Variants in EXT1 observed in about 807,000 individuals in gnomAD.
EXT1 encodes the protein exostosin glycosyltransferase 1.
A neutral mutation model predicts 82.5 loss-of-function variants in EXT1; 20 were observed. That is an observed-to-expected ratio of 0.24 (90% CI 0.17 to 0.35). The LOEUF (loss-of-function observed/expected upper bound fraction) is 0.35, where lower values mean the gene tolerates loss of function less well. EXT1 is among the 10% of genes least tolerant of loss of function. The pLI, the probability that EXT1 is intolerant of heterozygous loss-of-function variation, is 1.00. For synonymous variants in EXT1, 348 were observed against 350.8 expected (o/e 0.99, Z 0.09); for missense variants, 757 against 936.5 (o/e 0.81, Z 2.50).
At chr8:117,862,925 T>G (rs921499470) in intron 1 of EXT1, among the ~76,000 whole-genome samples, 2 of 139,058 alleles carry the variant, frequency 1.4e-5, no homozygotes, top group Non-Finnish European at 3.3e-5. Context: ...AGCCCCAGGT[T>G]GCAACATTCT....
intron 5 of EXT1, among the ~76,000 whole-genome samples, chr8:117,822,120 T>G (rs751860291): frequency 6.6e-6 from 1 of 152,080 alleles, no homozygotes; most frequent in Admixed American, 6.6e-5. Flanking sequence ...AAAAAAAAAT[T>G]GGGGAGAGCT....
At chr8:117,893,783 A>G (rs901671206) in intron 1 of EXT1, among the ~76,000 whole-genome samples, 1 of 152,220 alleles carries the variant, frequency 6.6e-6, no homozygotes, top group African/African-American at 2.4e-5. Flanking sequence ...AAATGAAATC[A>G]GGTTCCTCTA....
At chr8:118,048,715 TAAG>T (rs1319420884) in intron 1 of EXT1, among the ~76,000 whole-genome samples, 2 of 152,282 alleles carry the variant, frequency 1.3e-5, no homozygotes, top group East Asian at 3.9e-4. Flanking sequence ...ATATAGAAGT[TAAG>T]AAGCATTAAG....
intron 1 of EXT1, among the ~76,000 whole-genome samples, chr8:117,926,112 T>C (rs944096331): frequency 2.6e-5 from 4 of 152,208 alleles, no homozygotes; most frequent in Non-Finnish European, 5.9e-5. Context: ...TGGTGATGTG[T>C]ATGCCCTGAG....
At chr8:117,962,282 G>A (rs914075746) in intron 1 of EXT1, among the ~76,000 whole-genome samples, 5 of 152,096 alleles carry the variant, frequency 3.3e-5, no homozygotes, top group African/African-American at 9.7e-5. Context: ...AACTGCTTAC[G>A]TTGCTTCTGT....
intron 1 of EXT1, among the ~76,000 whole-genome samples, chr8:117,857,351 T>A (rs755229779): frequency 6.0e-5 from 9 of 150,894 alleles, no homozygotes; most frequent in Admixed American, 1.3e-4. Flanking sequence ...AGGCCAGGAG[T>A]TCAAGACCAA....
intron 1 of EXT1, among the ~76,000 whole-genome samples, chr8:118,065,054 T>C (rs1334373873): frequency 6.6e-6 from 1 of 151,940 alleles, no homozygotes; most frequent in Non-Finnish European, 1.5e-5. Context: ...GGTTTCACTA[T>C]GTTGGCCAGG....
At chr8:117,846,164 G>C (rs1812356993) in intron 1 of EXT1, among the ~76,000 whole-genome samples, 1 of 152,114 alleles carries the variant, frequency 6.6e-6, no homozygotes, top group African/African-American at 2.4e-5. Context: ...CTGGAGTGCA[G>C]TGGCATGATC....
chr8:118,072,079 A>T (rs1176223985), intron 1 of EXT1, among the ~76,000 whole-genome samples: 2 of 152,168 alleles, frequency 1.3e-5, no homozygotes, highest in Non-Finnish European at 2.9e-5. Flanking sequence ...GGAATTTATC[A>T]TTACTCACTT....
At chr8:117,905,450 C>T (rs1008570364) in intron 1 of EXT1, among the ~76,000 whole-genome samples, 4 of 152,254 alleles carry the variant, frequency 2.6e-5, no homozygotes, top group East Asian at 1.9e-4. Flanking sequence ...AAGGGGGAGG[C>T]GGAGGTTGCA....
chr8:118,018,521 GT>G (rs1046171765), intron 1 of EXT1, among the ~76,000 whole-genome samples: 5 of 152,150 alleles, frequency 3.3e-5, no homozygotes, highest in African/African-American at 1.2e-4. Context: ...CTCCAGAACT[GT>G]GAGGTTTGGG....
In EXT1 at chr8:117,836,722, A is replaced by G. The variant is rs543720264; in HGVS notation, c.1056+386T>C. Among the ~76,000 whole-genome samples the G allele has an allele frequency of 6.6e-5, 10 of 152,298 alleles. No individual in the cohort carries two copies. In the South Asian group the frequency reaches 2.1e-3, roughly 32 times the overall value. ...GCTGGGGATCATTCTCAAAATTGAA[A>G]GGAACTGAGAGACAATGAAGATGCA... On this transcript the variant is annotated intron_variant, in intron 2 of 10. Transcript: ENST00000378204.
intron 1 of EXT1, among the ~76,000 whole-genome samples, chr8:118,028,101 G>A (rs554294643): frequency 6.6e-6 from 1 of 152,242 alleles, no homozygotes; most frequent in East Asian, 1.9e-4. Context: ...CAGAGTTGTG[G>A]TCCCAGCCCC....
intron 1 of EXT1, among the ~76,000 whole-genome samples, chr8:118,080,337 TTCTTC>T (rs1462148458): frequency 1.3e-5 from 2 of 152,210 alleles, no homozygotes; most frequent in East Asian, 3.8e-4. Flanking sequence ...CCACTCAAAC[TTCTTC>T]TCTTATCTAT....
chr8:118,008,209 G>A (rs185108555), intron 1 of EXT1, among the ~76,000 whole-genome samples: 2 of 152,054 alleles, frequency 1.3e-5, no homozygotes, highest in Non-Finnish European at 2.9e-5. Context: ...TGAAGATGAT[G>A]GCCACACTGT....
At chr8:117,822,360 C>T in intron 5 of EXT1, 105 bp downstream of exon 5, 2 of 1,267,274 alleles carry the variant, frequency 1.6e-6, no homozygotes, top group Non-Finnish European at 2.3e-6. Context: ...ATCTTCAATG[C>T]AGGGTGTTAG....
At chr8:118,041,666 GAA>G in intron 1 of EXT1, among the ~76,000 whole-genome samples, 1 of 13,010 alleles carries the variant, frequency 7.7e-5, no homozygotes, top group African/African-American at 3.6e-4. Context: ...GAGAGAGAAA[GAA>G]GGAAGGAAGG....
At chr8:118,109,911 T>G (rs898810054) in intron 1 of EXT1, among the ~76,000 whole-genome samples, 174 bp downstream of exon 1, 1 of 152,150 alleles carries the variant, frequency 6.6e-6, no homozygotes, top group African/African-American at 2.4e-5. Flanking sequence ...GCTCCAACTC[T>G]CTGTCCCCAG....
chr8:118,087,661 C>A (rs1345586983), intron 1 of EXT1, among the ~76,000 whole-genome samples: 1 of 152,002 alleles, frequency 6.6e-6, no homozygotes, highest in East Asian at 1.9e-4. Context: ...AATTTAATGA[C>A]AAACTTTTAC....
Sources: gnomAD v4.1 joint callset for allele counts (sites outside exome capture counted in the v4.1 genomes callset) on GRCh38, gnomAD v4.1.1 for gene constraint, MANE v1.5 for transcripts, NCBI Gene and HGNC (gene_info 2026-07-23, HGNC 2026-07-21) for gene names.